Variants in GANC observed in about 807,000 individuals in gnomAD.
The protein encoded by GANC is glucosidase alpha, neutral C, also known as neutral alpha-glucosidase C.
GANC carries 117 observed loss-of-function variants against 124.2 expected under a neutral mutation model. That is an observed-to-expected ratio of 0.94 (90% CI 0.81 to 1.10). GANC has a LOEUF of 1.10. Among genes scored for constraint, GANC ranks in the 50% least tolerant of loss-of-function variants. The probability of loss-of-function intolerance (pLI) is 0.00; values close to 1 mark genes in which losing one functional copy is unlikely to be tolerated. For synonymous variants in GANC, 377 were observed against 376.8 expected, an observed-to-expected ratio of 1.00 and a Z score of -0.01; for missense variants, 1,140 against 1,095.0, an observed-to-expected ratio of 1.04 and a Z score of -0.58.
At chr15:42,331,301 G>A (rs954677647) in intron 15 of GANC, among the ~76,000 whole-genome samples, 1 of 152,202 alleles carries the variant, frequency 6.6e-6, no homozygotes, top group Non-Finnish European at 1.5e-5. Flanking sequence ...CTTTGGTCCT[G>A]TCTCTTTGAT....
rs150497357 is a variant in GANC at position 42,342,319 on chromosome 15, C to T, written c.2153-759C>T. 1.6e-4 allele frequency among the ~76,000 whole-genome samples: 25 copies of T among 152,332 alleles called. No homozygotes were observed. The East Asian group carries it at 3.7e-3, about 22-fold the overall frequency. ...AAACTAGAGGCCAGGCATGGTGGCT[C>T]ATGCCTGTAATCCCAACACTGTGGG... On this transcript the variant is annotated intron_variant, in intron 18 of 23. Transcript: ENST00000318010.
chr15:42,287,216 A>T (rs1245950892), intron 3 of GANC, among the ~76,000 whole-genome samples: 1 of 152,176 alleles, frequency 6.6e-6, no homozygotes, highest in Non-Finnish European at 1.5e-5. Flanking sequence ...AACTCCAATG[A>T]TCATCATTTT....
rs938395163 is a variant in GANC, at chr15:42,352,270, A to G, written c.*131A>G. On this transcript the variant is annotated 3_prime_UTR_variant, in exon 24 of 24. Transcript: ENST00000318010. ...TCAAAATAATCTTTCATTCGTCACC[A>G]TTATACTAATGAACAATAGATTTCA... 10 of 1,470,104 alleles carry G rather than the reference A, an allele frequency of 6.8e-6. No individual in the cohort carries two copies. The South Asian group carries it at 9.8e-5, about 14-fold the overall frequency. The allele number at this position is 1,470,104 out of a possible 1,614,324, so 91.1% of individuals were successfully genotyped here.
chr15:42,340,771 T>TG lies in GANC; in HGVS notation c.2152+17_2152+18insG. ...ACATGCTGGGTGAGCATTTCTGTTT[T>TG]TTTTTTTTTTTTTGAGACGGAGTCT... On this transcript the variant is annotated intron_variant, in intron 18 of 23. Transcript: ENST00000318010. 6.6e-7 allele frequency: 1 copy of TG among 1,514,638 alleles called. No homozygotes were observed. Among genetic ancestry groups the TG allele is most frequent in the Non-Finnish European group, 8.9e-7 (1 of 1,125,642 alleles). The allele number at this position is 1,514,638 out of a possible 1,614,324, so 93.8% of individuals were successfully genotyped here. A position where few individuals can be genotyped will look rare whatever the true frequency, so the allele number is the denominator to read the frequency against.
intron 11 of GANC, among the ~76,000 whole-genome samples, chr15:42,322,547 C>G (rs1464118141): frequency 6.6e-6 from 1 of 152,092 alleles, no homozygotes. Flanking sequence ...GAACCCCCTG[C>G]TGGCACCAAA....
intron 10 of GANC, chr15:42,313,968 A>AACAACAACAACC: frequency 1.5e-6 from 1 of 656,066 alleles, no homozygotes; most frequent in Non-Finnish European, 2.7e-6. Flanking sequence ...CAACAGCAAC[A>AACAACAACAACC]ACAACAACAA....
In GANC at chr15:42,339,712, A is replaced by G. The variant is rs764297812; in HGVS notation, c.1887A>G (p.Leu629=). The change falls in exon 17 of 24, where the codon CTA becomes CTG. Residue 629 remains leucine, a synonymous_variant. Coordinates refer to ENST00000318010, the MANE Select transcript of GANC (RefSeq NM_198141.3). ...TTGGGAATCCAGAGACAGAGCTGCT[A>G]GTGCGTTGGTACCAGGCTGGAGCCT... ...GFIGNPETEL[L]VRWYQAGAYQ... The G allele has an allele frequency of 3.7e-6, 6 of 1,614,196 alleles. No homozygotes were observed. Among genetic ancestry groups the G allele is most frequent in the South Asian group, 3.3e-5 (3 of 91,090 alleles).
chr15:42,283,447 T>C (rs1441586687), intron 3 of GANC, among the ~76,000 whole-genome samples: 3 of 152,240 alleles, frequency 2.0e-5, no homozygotes, highest in Admixed American at 6.5e-5. Context: ...AAGAGAGATC[T>C]AGTCTTGTGA....
chr15:42,342,976 G>A (rs2052338127), intron 18 of GANC, 102 bp from the exon 19 acceptor site: 1 of 880,644 alleles, frequency 1.1e-6, no homozygotes, highest in African/African-American at 1.7e-5. Context: ...TTCACAGCTG[G>A]GAGGTCTGTA....
At chr15:42,345,611 A>G (rs2052357379) in intron 19 of GANC, 147 bp from the exon 20 acceptor site, 5 of 581,490 alleles carry the variant, frequency 8.6e-6, no homozygotes, top group Non-Finnish European at 1.5e-5. Flanking sequence ...TATTCTTCCT[A>G]ACTTCTACCC....
chr15:42,284,217 AG>A (rs913120163), intron 3 of GANC: 13 of 579,796 alleles, frequency 2.2e-5, no homozygotes, highest in Non-Finnish European at 3.4e-5. Context: ...TATGTGTTCT[AG>A]GGCTGTTTGT....
chr15:42,282,583 C>A (rs1057363730), intron 3 of GANC, among the ~76,000 whole-genome samples: 1 of 152,208 alleles, frequency 6.6e-6, no homozygotes, highest in African/African-American at 2.4e-5. Flanking sequence ...ACAAATCCAA[C>A]ACTCTTGGTG....
intron 10 of GANC, among the ~76,000 whole-genome samples, chr15:42,315,835 T>C (rs2052096528): frequency 6.6e-6 from 1 of 151,868 alleles, no homozygotes; most frequent in Non-Finnish European, 1.5e-5. Flanking sequence ...AAACAGAATG[T>C]CTCCAGCCTG....
chr15:42,286,646 C>A (rs1049687955), intron 3 of GANC, among the ~76,000 whole-genome samples: 1 of 152,186 alleles, frequency 6.6e-6, no homozygotes, highest in Admixed American at 6.6e-5. Flanking sequence ...GTTCACTGTT[C>A]ATTATCATGT....
chr15:42,328,737 C>G (rs1048404364), intron 13 of GANC, among the ~76,000 whole-genome samples: 2 of 152,178 alleles, frequency 1.3e-5, no homozygotes, highest in South Asian at 4.1e-4. Flanking sequence ...CTAGAAAAGA[C>G]CAGGGATTCT....
At chr15:42,293,840 G>A (rs2059211920) in intron 5 of GANC, among the ~76,000 whole-genome samples, 1 of 151,608 alleles carries the variant, frequency 6.6e-6, no homozygotes. Flanking sequence ...GTTGAGCCCA[G>A]GAATTTGAAG....
At chr15:42,307,475 A>G (rs1356188010) in intron 7 of GANC, among the ~76,000 whole-genome samples, 1 of 152,014 alleles carries the variant, frequency 6.6e-6, no homozygotes, top group Non-Finnish European at 1.5e-5. Flanking sequence ...CTGGGATTAC[A>G]GGCATGAGCC....
chr15:42,282,678 C>T (rs985945654), intron 3 of GANC, among the ~76,000 whole-genome samples: 2 of 152,194 alleles, frequency 1.3e-5, no homozygotes, highest in Admixed American at 6.5e-5. Flanking sequence ...TTCTCCCTCT[C>T]AATTCCCTTC....
At chr15:42,338,870 C>A (rs2052304614) in intron 16 of GANC, among the ~76,000 whole-genome samples, 1 of 152,130 alleles carries the variant, frequency 6.6e-6, no homozygotes, top group South Asian at 2.1e-4. Context: ...TACAGAAATT[C>A]TTTTTACTCA....
Sources: gnomAD v4.1 joint callset for allele counts (sites outside exome capture counted in the v4.1 genomes callset) on GRCh38, gnomAD v4.1.1 for gene constraint, MANE v1.5 for transcripts, NCBI Gene and HGNC (gene_info 2026-07-23, HGNC 2026-07-21) for gene names.